ANKFN1: variants seen among roughly 807,000 people sequenced by gnomAD.
The protein encoded by ANKFN1 is ankyrin repeat and fibronectin type III domain containing 1, also known as ankyrin repeat and fibronectin type-III domain-containing protein 1.
Under a neutral mutation model 108.7 loss-of-function variants are expected in ANKFN1, and 74 were observed. That is an observed-to-expected ratio of 0.68 (90% confidence interval 0.56 to 0.83). The LOEUF (loss-of-function observed/expected upper bound fraction) is 0.83. ANKFN1 is among the 40% of genes least tolerant of loss of function. The pLI, the probability that ANKFN1 is intolerant of heterozygous loss-of-function variation, is 0.00. For missense variants in ANKFN1, 1,505 were observed against 1,382.3 expected, an observed-to-expected ratio of 1.09 and a Z score of -1.41; for synonymous variants, 547 against 516.2, an observed-to-expected ratio of 1.06 and a Z score of -0.81.
rs1185767505 is a variant in ANKFN1, at chr17:56,510,544, A to G, written c.2716A>G (p.Ser906Gly). 6.5e-7 allele frequency: 1 copy of G among 1,536,188 alleles called. No individual in the cohort carries two copies. The highest frequency in any genetic ancestry group is 2.4e-5 in the East Asian group (1 of 40,918). The stretch of plus-strand genomic sequence containing the variant: ...CCCCACCAACAGTGACTACGACTCC[A>G]GCGATGCCCTGAGCCCCAGAGACCT... ...FLPTNSDYDS[S>G]DALSPRDLDL... is the part of the protein sequence containing the mutation. Residue 906 changes from serine (S) to glycine (G), a missense_variant, in exon 21 of 21, where the codon AGC (serine) becomes GGC (glycine). Transcript: ENST00000682825.
At chr17:56,402,599 C>T (rs2047795032) in intron 8 of ANKFN1, among the ~76,000 whole-genome samples, 1 of 152,028 alleles carries the variant, frequency 6.6e-6, no homozygotes, top group Non-Finnish European at 1.5e-5. Context: ...GTTAATCTTG[C>T]TAATAGTCCA....
intron 1 of ANKFN1, among the ~76,000 whole-genome samples, chr17:56,178,532 A>G (rs1001097932): frequency 6.6e-6 from 1 of 151,988 alleles, no homozygotes; most frequent in African/African-American, 2.4e-5. Flanking sequence ...AATTAAAGTC[A>G]CTTAAAATCT....
At chr17:56,124,485 G>T (rs57553334) in intron 4 of ANKFN1, among the ~76,000 whole-genome samples, 14 of 152,168 alleles carry the variant, frequency 9.2e-5, no homozygotes, top group Admixed American at 9.2e-4. Context: ...ACAGGCCCCA[G>T]TGTCCCTGCC....
In ANKFN1 at chr17:56,191,375, C is replaced by T. The variant is rs1311828683; in HGVS notation, c.-70-21223C>T. On this transcript the variant is annotated intron_variant, in intron 1 of 20. Coordinates refer to ENST00000682825, the MANE Select transcript of ANKFN1 (RefSeq NM_001370326.1). ...ACCGGTTGTTCCTTTCCATGTTTAG[C>T]GCTTCCTTCAGGAGCTATTTTAGGG... Among the ~76,000 whole-genome samples, 11 of 58,584 alleles carry T rather than the reference C, an allele frequency of 1.9e-4. 5 individuals carry two copies. Among genetic ancestry groups the T allele is most frequent in the African/African-American group, 5.8e-4 (4 of 6,850 alleles). The allele number at this position is 58,584 out of a possible 152,430, so 38.4% of individuals were successfully genotyped here.
intron 1 of ANKFN1, among the ~76,000 whole-genome samples, chr17:56,194,279 T>A (rs182952880): frequency 6.6e-6 from 1 of 152,062 alleles, no homozygotes; most frequent in Non-Finnish European, 1.5e-5. Context: ...TCCTAAGGAG[T>A]TGGAAACTTA....
At chr17:56,247,458 C>T (rs538219681) in intron 3 of ANKFN1, among the ~76,000 whole-genome samples, 15 of 152,054 alleles carry the variant, frequency 9.9e-5, no homozygotes, top group Admixed American at 2.0e-4. Flanking sequence ...ACAAACAAAA[C>T]GAAGATAAAT....
At chr17:56,301,778 G>A (rs1208244820) in intron 3 of ANKFN1, among the ~76,000 whole-genome samples, 2 of 152,176 alleles carry the variant, frequency 1.3e-5, no homozygotes, top group African/African-American at 2.4e-5. Context: ...CATGAACACC[G>A]AACCAGGGTA....
chr17:56,477,455 G>GT, intron 15 of ANKFN1, 33 bp from the exon 16 acceptor site: 2 of 1,450,868 alleles, frequency 1.4e-6, no homozygotes, highest in Non-Finnish European at 1.8e-6. Flanking sequence ...TTGTTTTCTT[G>GT]TTTTCTTTTT....
At chr17:56,457,420 A>G in intron 13 of ANKFN1, 31 bp downstream of exon 13, 5 of 1,553,858 alleles carry the variant, frequency 3.2e-6, no homozygotes, top group Non-Finnish European at 4.3e-6. Flanking sequence ...ATTTTTCCCT[A>G]CTTTGTACCA....
intron 14 of ANKFN1, among the ~76,000 whole-genome samples, chr17:56,458,576 A>G (rs1301240660): frequency 6.6e-6 from 1 of 152,138 alleles, no homozygotes; most frequent in Non-Finnish European, 1.5e-5. Flanking sequence ...CAAGTCCCCA[A>G]TCTTTGTAGG....
At chr17:56,320,247 A>C (rs190433854) in intron 3 of ANKFN1, among the ~76,000 whole-genome samples, 1 of 152,344 alleles carries the variant, frequency 6.6e-6, no homozygotes, top group African/African-American at 2.4e-5. Flanking sequence ...ATCATGTATC[A>C]GACTCTGGTG....
At chr17:56,218,311 T>G (rs1915584901) in intron 2 of ANKFN1, among the ~76,000 whole-genome samples, 1 of 150,580 alleles carries the variant, frequency 6.6e-6, no homozygotes, top group Non-Finnish European at 1.5e-5. Flanking sequence ...TGACTATTCC[T>G]TTTTCCAAGC....
At chr17:56,085,710 C>T (rs914844266) in intron 4 of ANKFN1, among the ~76,000 whole-genome samples, 1 of 151,184 alleles carries the variant, frequency 6.6e-6, no homozygotes, top group African/African-American at 2.4e-5. Flanking sequence ...GCAGCAACAC[C>T]ATTTGGTTCA....
Position 56,511,070 on chromosome 17 carries a change from A to G in ANKFN1, c.3242A>G (p.Gln1081Arg). Residue 1081 changes from glutamine (Q) to arginine (R), a missense_variant, in exon 21 of 21, where the codon CAG (glutamine) becomes CGG (arginine). Coordinates refer to ENST00000682825, the MANE Select transcript of ANKFN1 (RefSeq NM_001370326.1). ...CCTGAGGAGCGGAACAGCAGTCTCC[A>G]GGACGCGAGGCCTTCCGTCCGCCGC... ...SLPEERNSSL[Q>R]DARPSVRRLY... 1.3e-6 allele frequency: 2 copies of G among 1,535,994 alleles called. No individual in the cohort carries two copies. Among genetic ancestry groups the G allele is most frequent in the Middle Eastern group, 3.4e-4 (2 of 5,922 alleles).
chr17:56,457,539 C>G (rs530900026), intron 13 of ANKFN1, 150 bp downstream of exon 13: 4 of 889,002 alleles, frequency 4.5e-6, no homozygotes, highest in East Asian at 2.5e-5. Context: ...CTGGTATGCC[C>G]TATGTCATTT....
At chr17:56,154,986 A>T (rs906827040) in intron 1 of ANKFN1, among the ~76,000 whole-genome samples, 1 of 152,198 alleles carries the variant, frequency 6.6e-6, no homozygotes, top group African/African-American at 2.4e-5. Flanking sequence ...ACAGAGTTTA[A>T]ACGAGAACAG....
At chr17:56,171,889 G>A (rs1355163119) in intron 1 of ANKFN1, among the ~76,000 whole-genome samples, 1 of 152,130 alleles carries the variant, frequency 6.6e-6, no homozygotes, top group African/African-American at 2.4e-5. Flanking sequence ...AATCAAGGAA[G>A]GTCTCTGTCC....
intron 1 of ANKFN1, among the ~76,000 whole-genome samples, chr17:56,154,730 AT>A (rs1306121451): frequency 2.0e-5 from 3 of 151,914 alleles, no homozygotes; most frequent in African/African-American, 7.3e-5. Flanking sequence ...AGTTTTCAAT[AT>A]TTTGCCCCTG....
In ANKFN1 at chr17:56,420,731, G is replaced by A. The variant is rs111918478; in HGVS notation, c.911-19596G>A. ...TGTTGTTTTCTTTTTTTTTTGAGAC[G>A]GAGTCTCACTCTGTCGCCCAGGCTG... On this transcript the variant is annotated intron_variant, in intron 8 of 20. Transcript: ENST00000682825. 2.2e-3 allele frequency among the ~76,000 whole-genome samples: 314 copies of A among 139,812 alleles called. 1 individual carries two copies. The highest frequency in any genetic ancestry group is 8.3e-3 in the African/African-American group (307 of 37,022). The allele number at this position is 139,812 out of a possible 152,430, so 91.7% of individuals were successfully genotyped here. A position where few individuals can be genotyped will look rare whatever the true frequency, so the allele number is the denominator to read the frequency against.
Sources: gnomAD v4.1 joint callset for allele counts (sites outside exome capture counted in the v4.1 genomes callset) on GRCh38, gnomAD v4.1.1 for gene constraint, MANE v1.5 for transcripts, NCBI Gene and HGNC (gene_info 2026-07-23, HGNC 2026-07-21) for gene names.